The following HEMK2 variants were observed in gnomAD, a reference collection of about 807,000 sequenced individuals.
HEMK2 encodes the protein methyltransferase HEMK2.
chr21:28,647,519 A>AG, the HEMK2 span, among the ~76,000 whole-genome samples: 8 of 149,796 alleles, frequency 5.3e-5, no homozygotes, highest in South Asian at 1.7e-3. Flanking sequence ...AAAAAAAAAA[A>AG]AAAAAAGAAA....
chr21:28,669,843 C>A, the HEMK2 span, among the ~76,000 whole-genome samples: 21 of 152,328 alleles, frequency 1.4e-4, no homozygotes, highest in Admixed American at 3.9e-4. Context: ...AACCTCTCCC[C>A]AGTTTTAGCA....
At chr21:28,839,002 CATATATAT>C in the HEMK2 span, among the ~76,000 whole-genome samples, 24 of 33,666 alleles carry the variant, frequency 7.1e-4, 1 homozygote, top group African/African-American at 2.5e-3. Flanking sequence ...TATATATATA[CATATATAT>C]ACACAATCTG....
the HEMK2 span, among the ~76,000 whole-genome samples, chr21:28,598,161 T>A: frequency 0.018 from 2,706 of 152,274 alleles, 105 homozygotes; most frequent in African/African-American, 0.063. Context: ...GAAAATCCTG[T>A]CTTCAGGATT....
the HEMK2 span, among the ~76,000 whole-genome samples, chr21:28,605,175 A>G: frequency 3.1e-4 from 47 of 152,212 alleles, no homozygotes; most frequent in Non-Finnish European, 6.2e-4. Context: ...GGGAACCAGA[A>G]GCTTTGCAAA....
chr21:28,885,117 T>C, the HEMK2 span: 4 of 1,425,594 alleles, frequency 2.8e-6, no homozygotes, highest in Non-Finnish European at 2.8e-6. Flanking sequence ...CTGCTCCGGC[T>C]CAGGGCGGTG....
the HEMK2 span, among the ~76,000 whole-genome samples, chr21:28,836,049 T>C: frequency 6.6e-6 from 1 of 152,092 alleles, no homozygotes; most frequent in Non-Finnish European, 1.5e-5. Context: ...TTCTAAAAGC[T>C]TGGGAAACAT....
At chr21:28,581,810 G>T in the HEMK2 span, among the ~76,000 whole-genome samples, 1 of 152,152 alleles carries the variant, frequency 6.6e-6, no homozygotes, top group African/African-American at 2.4e-5. Context: ...TTGTTATCCA[G>T]CCAAATTAAA....
the HEMK2 span, among the ~76,000 whole-genome samples, chr21:28,607,375 C>A: frequency 1.3e-5 from 2 of 151,958 alleles, no homozygotes; most frequent in African/African-American, 4.8e-5. Context: ...CGTGCCACTG[C>A]ACTCCAGCCT....
the HEMK2 span, among the ~76,000 whole-genome samples, chr21:28,841,323 T>A: frequency 6.1e-5 from 1 of 16,274 alleles, no homozygotes; most frequent in African/African-American, 3.9e-4. Flanking sequence ...ATAATATATA[T>A]TATATATAAA....
the HEMK2 span, among the ~76,000 whole-genome samples, chr21:28,855,281 G>C: frequency 6.6e-6 from 1 of 152,156 alleles, no homozygotes; most frequent in Non-Finnish European, 1.5e-5. Flanking sequence ...TTACATAAGG[G>C]TAAAGGATTG....
chr21:28,884,031 C>G, the HEMK2 span, among the ~76,000 whole-genome samples: 10 of 152,144 alleles, frequency 6.6e-5, no homozygotes, highest in African/African-American at 2.4e-4. Context: ...CTTTTGGAAC[C>G]AGTCTACACA....
the HEMK2 span, among the ~76,000 whole-genome samples, chr21:28,822,876 C>T: frequency 2.0e-5 from 3 of 150,976 alleles, no homozygotes; most frequent in Non-Finnish European, 4.4e-5. Flanking sequence ...TTACTCCATT[C>T]GATTTCCATT....
chr21:28,682,058 A>G, the HEMK2 span, among the ~76,000 whole-genome samples: 3 of 152,186 alleles, frequency 2.0e-5, no homozygotes, highest in Admixed American at 6.5e-5. Flanking sequence ...AATAGGATCT[A>G]ATTAAACTAA....
At chr21:28,724,004 G>C in the HEMK2 span, among the ~76,000 whole-genome samples, 4 of 152,160 alleles carry the variant, frequency 2.6e-5, no homozygotes, top group Admixed American at 1.3e-4. Context: ...ATGATTCTAA[G>C]TATTAAGAGT....
the HEMK2 span, among the ~76,000 whole-genome samples, chr21:28,643,296 T>A: frequency 6.6e-6 from 1 of 152,154 alleles, no homozygotes; most frequent in African/African-American, 2.4e-5. Flanking sequence ...GATTAAGTCA[T>A]GGGGGTAGAG....
At chr21:28,802,830 C>A in the HEMK2 span, among the ~76,000 whole-genome samples, 5 of 152,098 alleles carry the variant, frequency 3.3e-5, no homozygotes, top group Non-Finnish European at 7.4e-5. Flanking sequence ...ATTATCTATT[C>A]AAAACAATTT....
the HEMK2 span, among the ~76,000 whole-genome samples, chr21:28,838,998 T>C: frequency 7.9e-4 from 46 of 57,944 alleles, no homozygotes; most frequent in South Asian, 2.3e-3. Context: ...TATATATATA[T>C]ATACATATAT....
the HEMK2 span, among the ~76,000 whole-genome samples, chr21:28,750,006 T>C: frequency 6.6e-6 from 1 of 152,220 alleles, no homozygotes; most frequent in Non-Finnish European, 1.5e-5. Context: ...CCAATCTAAT[T>C]GAACAGGCCA....
chr21:28,616,424 A>G, the HEMK2 span, among the ~76,000 whole-genome samples: 1 of 152,344 alleles, frequency 6.6e-6, no homozygotes, highest in Middle Eastern at 3.4e-3. Context: ...GTATGAGCTA[A>G]AGATAATTTT....
Sources: gnomAD v4.1 joint callset for allele counts (sites outside exome capture counted in the v4.1 genomes callset) on GRCh38, gnomAD v4.1.1 for gene constraint, MANE v1.5 for transcripts, NCBI Gene and HGNC (gene_info 2026-07-23, HGNC 2026-07-21) for gene names.